Variants in SLCO2B1 observed in about 807,000 individuals in gnomAD.
SLCO2B1 encodes OATP-RP2.
In SLCO2B1, 41 loss-of-function variants were observed where a neutral mutation model predicts 67.3. The ratio of observed to expected loss-of-function variants is 0.61; its 90% CI spans 0.47 to 0.79. SLCO2B1 has a LOEUF of 0.79. Ranked by LOEUF, SLCO2B1 falls within the 30% of genes least tolerant of loss-of-function variation. The probability of loss-of-function intolerance (pLI) is 0.00; values close to 1 mark genes in which losing one functional copy is unlikely to be tolerated. For synonymous variants in SLCO2B1, 379 were observed against 381.4 expected (o/e 0.99, Z 0.07); for missense variants, 837 against 920.1 (o/e 0.91, Z 1.17).
chr11:75,176,876 A>T (rs1222779322), intron 7 of SLCO2B1, among the ~76,000 whole-genome samples: 1 of 152,110 alleles, frequency 6.6e-6, no homozygotes, highest in African/African-American at 2.4e-5. Context: ...GCTGCATCTC[A>T]CTGACGGAGG....
chr11:75,192,910 GGTGCACACCTGT>G (rs1455840210), intron 8 of SLCO2B1, among the ~76,000 whole-genome samples: 1 of 152,110 alleles, frequency 6.6e-6, no homozygotes, highest in Non-Finnish European at 1.5e-5. Context: ...CCAGCATGGT[GGTGCACACCTGT>G]AGTTTCAGCT....
At chr11:75,179,423 G>C (rs963611072) in intron 7 of SLCO2B1, among the ~76,000 whole-genome samples, 5 of 151,442 alleles carry the variant, frequency 3.3e-5, no homozygotes, top group Non-Finnish European at 5.9e-5. Context: ...GTAGAGACAG[G>C]GTTTTACCAT....
At chr11:75,160,865 C>T (rs1174668169) in intron 1 of SLCO2B1, among the ~76,000 whole-genome samples, 1 of 152,120 alleles carries the variant, frequency 6.6e-6, no homozygotes, top group Non-Finnish European at 1.5e-5. Flanking sequence ...AAATGCAAAC[C>T]AAAACCACAC....
At chr11:75,187,278 C>A (rs1944951662) in intron 7 of SLCO2B1, among the ~76,000 whole-genome samples, 1 of 152,198 alleles carries the variant, frequency 6.6e-6, no homozygotes, top group African/African-American at 2.4e-5. Flanking sequence ...ATTGTGCCCC[C>A]TCCCTCCACA....
intron 12 of SLCO2B1, 71 bp downstream of exon 12, chr11:75,203,036 G>A (rs554259822): frequency 8.1e-6 from 11 of 1,358,780 alleles, no homozygotes; most frequent in Admixed American, 3.3e-5. Context: ...CAGGCCTGGG[G>A]CACAGGCATG....
In SLCO2B1 at chr11:75,162,946, G is replaced by A; in HGVS notation, c.147+161G>A. 16 of 861,106 alleles carry A rather than the reference G, an allele frequency of 1.9e-5. No individual in the cohort carries two copies. In the South Asian group the frequency reaches 2.7e-4, roughly 15 times the overall value. The allele number at this position is 861,106 out of a possible 1,614,324, so 53.3% of individuals were successfully genotyped here. ...AAGGGATGATCTGCGAAAGCACTCA[G>A]CTGGGTTTCGGGCACATGGAAGGTG... On this transcript the variant is annotated intron_variant, in intron 2 of 13. Coordinates refer to ENST00000289575, the MANE Select transcript of SLCO2B1 (RefSeq NM_007256.5).
At position 75,164,055 on chromosome 11, in the gene SLCO2B1, C is replaced by T. The variant is rs200584797; in HGVS notation, c.240C>T (p.Phe80=). The T allele has an allele frequency of 3.2e-5, 51 of 1,607,974 alleles. 1 individual carries two copies. In the Middle Eastern group the frequency reaches 1.7e-3, roughly 52 times the overall value. The change falls in exon 3 of 14, where the codon TTC becomes TTT. Residue 80 remains phenylalanine, a synonymous_variant. Coordinates refer to ENST00000289575, the MANE Select transcript of SLCO2B1 (RefSeq NM_007256.5). ...CCATCTCCACAGTGGAGAAGCGCTT[C>T]GGCCTCTCCAGCCAGACGTCGGGGC... is the stretch of plus-strand genomic sequence containing the variant. ...KSSISTVEKR[F]GLSSQTSGLL... is the part of the protein sequence containing the mutation.
At chr11:75,172,592 G>T in intron 7 of SLCO2B1, 23 bp downstream of exon 7, 1 of 1,601,422 alleles carries the variant, frequency 6.2e-7, no homozygotes, top group South Asian at 1.1e-5. Flanking sequence ...CATGTCACCT[G>T]ACTGGGTCCA....
At position 75,185,715 on chromosome 11, in the gene SLCO2B1, G is replaced by A. The variant is rs184983516; in HGVS notation, c.973-2421G>A. Among the ~76,000 whole-genome samples, 1,222 of 152,012 alleles carry A rather than the reference G, an allele frequency of 8.0e-3. 9 individuals carry two copies. The highest frequency in any genetic ancestry group is 0.012 in the Non-Finnish European group (814 of 67,970). ...TTTATTAAGAAAGTAAAGGAATAAA[G>A]AATGGCTACTCCATAGGCAGAGCAG... On this transcript the variant is annotated intron_variant, in intron 7 of 13. Coordinates refer to ENST00000289575, the MANE Select transcript of SLCO2B1 (RefSeq NM_007256.5).
intron 3 of SLCO2B1, 134 bp downstream of exon 3, chr11:75,164,234 C>G: frequency 1.0e-6 from 1 of 981,126 alleles, no homozygotes; most frequent in Non-Finnish European, 1.5e-6. Context: ...TGTCCCAGCG[C>G]CTGCCTGAAA....
At chr11:75,184,797 C>T (rs1278500496) in intron 7 of SLCO2B1, among the ~76,000 whole-genome samples, 1 of 152,150 alleles carries the variant, frequency 6.6e-6, no homozygotes, top group South Asian at 2.1e-4. Flanking sequence ...TCCTCTTTTC[C>T]AGGCTTTATT....
intron 11 of SLCO2B1, 114 bp downstream of exon 11, chr11:75,200,501 C>A (rs1029771582): frequency 2.8e-6 from 3 of 1,068,938 alleles, no homozygotes; most frequent in African/African-American, 1.6e-5. Flanking sequence ...GGTGTCCTGG[C>A]CCCCACAATA....
intron 4 of SLCO2B1, among the ~76,000 whole-genome samples, chr11:75,168,219 A>G (rs1949916176): frequency 6.6e-6 from 1 of 152,148 alleles, no homozygotes; most frequent in Admixed American, 6.5e-5. Context: ...TTCATTTGAA[A>G]GATGAAGAAA....
At chr11:75,200,658 G>T in intron 11 of SLCO2B1, 1 of 326,436 alleles carries the variant, frequency 3.1e-6, no homozygotes, top group Admixed American at 4.9e-5. Context: ...TGGTTCCCTG[G>T]CCCACAGCCC....
chr11:75,154,544 A>G (rs998006377), intron 1 of SLCO2B1, among the ~76,000 whole-genome samples: 5 of 152,176 alleles, frequency 3.3e-5, no homozygotes, highest in African/African-American at 1.2e-4. Flanking sequence ...AAAAGCTAGG[A>G]GGAGTTCTGT....
In SLCO2B1 at chr11:75,193,306, G is replaced by A. The variant is rs1565547898; in HGVS notation, c.1164G>A (p.Ala388=). 8.1e-6 allele frequency: 13 copies of A among 1,613,866 alleles called. No individual in the cohort carries two copies. Among genetic ancestry groups the A allele is most frequent in the East Asian group, 2.2e-5 (1 of 44,878 alleles). ...AGGTATGCTTGTCATCCATGGCTGC[G>A]GGCATGGCCACCTTCCTGCCCAAGT... The part of the protein sequence containing the change: ...LSQVCLSSMA[A]GMATFLPKFL... The change falls in exon 9 of 14, where the codon GCG becomes GCA. Residue 388 remains alanine, a synonymous_variant. Coordinates refer to ENST00000289575, the MANE Select transcript of SLCO2B1 (RefSeq NM_007256.5). The surrounding 1 kb of genome is among the most constrained non-coding windows in gnomAD (Gnocchi z 4.2).
At chr11:75,201,699 A>G (rs1945186253) in intron 11 of SLCO2B1, 1 of 152,230 alleles carries the variant, frequency 6.6e-6, no homozygotes, top group African/African-American at 2.4e-5. Context: ...GTTTATTATA[A>G]AAGATATTAC....
At chr11:75,190,376 G>A (rs527828470) in intron 8 of SLCO2B1, among the ~76,000 whole-genome samples, 56 of 152,326 alleles carry the variant, frequency 3.7e-4, no homozygotes, top group Middle Eastern at 6.8e-3. Flanking sequence ...TGACCACCTG[G>A]TGTCACAGGG....
chr11:75,185,501 CTTTTT>C (rs11381669), intron 7 of SLCO2B1, among the ~76,000 whole-genome samples: 1 of 106,188 alleles, frequency 9.4e-6, no homozygotes. Context: ...GTATAAGTCT[CTTTTT>C]TTTTTTTTTT....
Sources: gnomAD v4.1 joint callset for allele counts (sites outside exome capture counted in the v4.1 genomes callset) on GRCh38, gnomAD v4.1.1 for gene constraint, Gnocchi (gnomAD v3.1) non-coding constraint, MANE v1.5 for transcripts, NCBI Gene and HGNC (gene_info 2026-07-23, HGNC 2026-07-21) for gene names.